KIF26B: variants seen among roughly 807,000 people sequenced by gnomAD.
KIF26B encodes kinesin-like protein KIF26B.
Under a neutral mutation model 151.2 loss-of-function variants are expected in KIF26B, and 63 were observed. The observed-to-expected ratio is 0.42, with a 90% CI of 0.34 to 0.51. The LOEUF is 0.51. KIF26B is among the 20% of genes least tolerant of loss of function. The pLI, the probability that KIF26B is intolerant of heterozygous loss-of-function variation, is 0.07. For missense variants in KIF26B, 2,813 were observed against 2,913.6 expected (o/e 0.97, Z 0.79); for synonymous variants, 1,357 against 1,262.1 (o/e 1.08, Z -1.59).
chr1:245,445,291 C>G (rs1470159552), intron 4 of KIF26B, among the ~76,000 whole-genome samples: 1 of 152,146 alleles, frequency 6.6e-6, no homozygotes, highest in Admixed American at 6.5e-5. Context: ...CTTGGCAGCA[C>G]CATCAAAGGG....
chr1:245,642,595 G>C (rs1040499687), intron 9 of KIF26B, among the ~76,000 whole-genome samples: 4 of 149,302 alleles, frequency 2.7e-5, no homozygotes, highest in African/African-American at 7.4e-5. Flanking sequence ...AAAAATGGAG[G>C]CTGGCATACC....
chr1:245,699,256 C>A (rs1346874902), intron 14 of KIF26B, among the ~76,000 whole-genome samples: 2 of 152,092 alleles, frequency 1.3e-5, no homozygotes, highest in Non-Finnish European at 2.9e-5. Context: ...ATTGCTCTTG[C>A]AAGATTATTT....
chr1:245,603,240 G>T (rs2043416394), intron 6 of KIF26B, among the ~76,000 whole-genome samples: 1 of 152,176 alleles, frequency 6.6e-6, no homozygotes, highest in Admixed American at 6.5e-5. Flanking sequence ...TGTAGCCCTA[G>T]TAAGGAACCA....
At position 245,355,216 on chromosome 1, in the gene KIF26B, C is replaced by T. The variant is rs188049253; in HGVS notation, c.466-11618C>T. Among the ~76,000 whole-genome samples, 346 of 152,232 alleles carry T rather than the reference C, an allele frequency of 2.3e-3. 3 individuals carry two copies. The highest frequency in any genetic ancestry group is 0.022 in the Admixed American group (329 of 15,284). On this transcript the variant is annotated intron_variant, in intron 2 of 14. Coordinates refer to ENST00000407071, the MANE Select transcript of KIF26B (RefSeq NM_018012.4). ...CTGGGATTACAGGCGTGAGCCACTG[C>T]GCCCGGCCAGTGATTCTTTTTTCAG... is the stretch of plus-strand genomic sequence containing the variant.
intron 2 of KIF26B, among the ~76,000 whole-genome samples, chr1:245,191,738 G>T (rs1669114999): frequency 6.6e-6 from 1 of 152,124 alleles, no homozygotes; most frequent in South Asian, 2.1e-4. Flanking sequence ...AATACAAATT[G>T]CTAATGTCAA....
intron 4 of KIF26B, among the ~76,000 whole-genome samples, chr1:245,539,885 T>C (rs1291226773): frequency 6.6e-6 from 1 of 152,164 alleles, no homozygotes; most frequent in African/African-American, 2.4e-5. Flanking sequence ...ACTCCTGACC[T>C]CAGGTGAGCT....
At chr1:245,347,684 GT>G (rs1208957006) in intron 2 of KIF26B, among the ~76,000 whole-genome samples, 5 of 152,134 alleles carry the variant, frequency 3.3e-5, no homozygotes, top group Admixed American at 3.3e-4. Flanking sequence ...TCTGTTTCCA[GT>G]TTCTCATCTC....
chr1:245,290,772 G>A lies in KIF26B; in HGVS notation c.466-76062G>A, dbSNP rs550361046. Among the ~76,000 whole-genome samples, 6 of 152,370 alleles carry A rather than the reference G, an allele frequency of 3.9e-5. No individual in the cohort carries two copies. The East Asian group carries it at 1.2e-3, about 29-fold the overall frequency. ...TTACCCAGCTCCTATTCAAGATGGA[G>A]TTGCTCTGGTTCAAATGCCTCTAAC... is the stretch of plus-strand genomic sequence containing the variant. On this transcript the variant is annotated intron_variant, in intron 2 of 14. Transcript: ENST00000407071.
At chr1:245,593,314 C>T (rs1248164898) in intron 5 of KIF26B, among the ~76,000 whole-genome samples, 1 of 152,148 alleles carries the variant, frequency 6.6e-6, no homozygotes, top group Admixed American at 6.5e-5. Context: ...AATGCTATCC[C>T]TCCCCTAGCT....
intron 2 of KIF26B, among the ~76,000 whole-genome samples, chr1:245,303,251 T>C (rs1289881776): frequency 7.1e-5 from 10 of 140,838 alleles, no homozygotes; most frequent in Admixed American, 2.3e-4. Context: ...CAGGCCGGAG[T>C]GCAGTGGCGC....
At chr1:245,444,117 GAGCGGTCATCTCCCTTACTGTTCACC>G (rs1659190552) in intron 4 of KIF26B, among the ~76,000 whole-genome samples, 1 of 73,510 alleles carries the variant, frequency 1.4e-5, no homozygotes, top group Non-Finnish European at 3.2e-5. Context: ...TGTTCACCTA[GAGCGGTCATCTCCCTTACTGTTCACC>G]TAGAGCGGTC....
intron 2 of KIF26B, among the ~76,000 whole-genome samples, chr1:245,242,295 T>C (rs1670222856): frequency 6.6e-6 from 1 of 152,204 alleles, no homozygotes; most frequent in African/African-American, 2.4e-5. Context: ...CTTACTGCTA[T>C]GCCGTATGTA....
intron 2 of KIF26B, among the ~76,000 whole-genome samples, chr1:245,321,806 C>T (rs1315170616): frequency 1.3e-5 from 2 of 152,184 alleles, no homozygotes; most frequent in Admixed American, 6.5e-5. Flanking sequence ...AGCCATTCAA[C>T]CCAGCAGCCC....
At chr1:245,263,218 T>C (rs1421789198) in intron 2 of KIF26B, among the ~76,000 whole-genome samples, 4 of 152,196 alleles carry the variant, frequency 2.6e-5, no homozygotes, top group Admixed American at 2.6e-4. Flanking sequence ...TGCTTCACCC[T>C]CTGCTTGTGC....
At chr1:245,269,604 A>G (rs1415583900) in intron 2 of KIF26B, among the ~76,000 whole-genome samples, 1 of 151,860 alleles carries the variant, frequency 6.6e-6, no homozygotes, top group Non-Finnish European at 1.5e-5. Flanking sequence ...AGCTGGAATT[A>G]TAGGCGCCTG....
At chr1:245,452,960 C>T (rs760275056) in intron 4 of KIF26B, among the ~76,000 whole-genome samples, 1 of 152,094 alleles carries the variant, frequency 6.6e-6, no homozygotes, top group Non-Finnish European at 1.5e-5. Context: ...ATCTTTTCTT[C>T]TGTTGCTTGT....
intron 5 of KIF26B, among the ~76,000 whole-genome samples, chr1:245,586,680 G>A (rs1322966713): frequency 2.0e-5 from 3 of 151,332 alleles, no homozygotes; most frequent in East Asian, 2.0e-4. Flanking sequence ...TCAGGAGATC[G>A]AGACCATCCT....
At chr1:245,694,907 A>AG (rs2044671025) in intron 12 of KIF26B, among the ~76,000 whole-genome samples, 1 of 152,140 alleles carries the variant, frequency 6.6e-6, no homozygotes, top group African/African-American at 2.4e-5. Context: ...ATGAGCAGGG[A>AG]GGGGTTGAAA....
rs10670711 is a variant in KIF26B at position 245,218,366 on chromosome 1, G to GGGA, written c.465+61686_465+61688dup. On this transcript the variant is annotated intron_variant, in intron 2 of 14. Coordinates refer to ENST00000407071, the MANE Select transcript of KIF26B (RefSeq NM_018012.4). This position sits in a 1 kb window ranked among gnomAD's most constrained non-coding sequence, Gnocchi z 4.1. ...GTCACTCTGAGGGAGGGAAGGGGAA[G>GGGA]GGAGGGCTCAGGTGAAAAGCAGAAG... is the stretch of plus-strand genomic sequence containing the variant. Among the ~76,000 whole-genome samples the GGGA allele has an allele frequency of 0.14, 21,922 of 152,128 alleles. 1,970 individuals carry two copies. The highest frequency in any genetic ancestry group is 0.26 in the African/African-American group (10,584 of 41,434).
Sources: gnomAD v4.1 joint callset for allele counts (sites outside exome capture counted in the v4.1 genomes callset) on GRCh38, gnomAD v4.1.1 for gene constraint, Gnocchi (gnomAD v3.1) non-coding constraint, MANE v1.5 for transcripts, NCBI Gene and HGNC (gene_info 2026-07-23, HGNC 2026-07-21) for gene names.